The following ADAM18 variants were observed in gnomAD, a reference collection of about 807,000 sequenced individuals.
The protein encoded by ADAM18 is disintegrin and metalloproteinase domain-containing protein 18.
ADAM18 carries 117 observed loss-of-function variants against 94.4 expected under a neutral mutation model. The observed-to-expected ratio is 1.24, with a 90% CI of 1.07 to 1.45. The LOEUF is 1.45. ADAM18 is among the 40% of genes most tolerant of loss of function. The probability of loss-of-function intolerance (pLI) is 0.00; values close to 1 mark genes in which losing one functional copy is unlikely to be tolerated. For missense variants in ADAM18, 936 were observed against 880.0 expected, an observed-to-expected ratio of 1.06 and a Z score of -0.81; for synonymous variants, 327 against 291.6, an observed-to-expected ratio of 1.12 and a Z score of -1.24.
intron 18 of ADAM18, among the ~76,000 whole-genome samples, chr8:39,723,035 A>G (rs1411092275): frequency 6.6e-6 from 1 of 151,590 alleles, no homozygotes; most frequent in African/African-American, 2.4e-5. Context: ...GTGCTTTGGA[A>G]TTATAACAGG....
At chr8:39,672,719 A>T (rs774132674) in intron 14 of ADAM18, among the ~76,000 whole-genome samples, 3 of 152,208 alleles carry the variant, frequency 2.0e-5, no homozygotes, top group Non-Finnish European at 4.4e-5. Flanking sequence ...TGTTCCTCTC[A>T]TATGTTCCCA....
chr8:39,656,588 T>C (rs907863676), intron 12 of ADAM18, among the ~76,000 whole-genome samples: 2 of 152,154 alleles, frequency 1.3e-5, no homozygotes, highest in Non-Finnish European at 1.5e-5. Flanking sequence ...TTACCTAATA[T>C]TTACAAATTA....
intron 19 of ADAM18, among the ~76,000 whole-genome samples, chr8:39,729,450 C>T (rs558706673): frequency 6.6e-6 from 1 of 152,018 alleles, no homozygotes; most frequent in Non-Finnish European, 1.5e-5. Context: ...CTATTGTTTT[C>T]ATGTGTGAAC....
At chr8:39,650,416 T>A (rs1820499498) in intron 12 of ADAM18, among the ~76,000 whole-genome samples, 1 of 152,054 alleles carries the variant, frequency 6.6e-6, no homozygotes, top group Non-Finnish European at 1.5e-5. Context: ...CAACAAAAAT[T>A]TACAACTAAT....
chr8:39,624,729 C>G (rs1250994731), intron 6 of ADAM18, among the ~76,000 whole-genome samples: 1 of 152,156 alleles, frequency 6.6e-6, no homozygotes. Context: ...GGCTTAACAC[C>G]ATCCTCCTAG....
intron 2 of ADAM18, among the ~76,000 whole-genome samples, chr8:39,593,925 A>G (rs576309995): frequency 6.6e-6 from 1 of 152,324 alleles, no homozygotes; most frequent in East Asian, 1.9e-4. Context: ...ATTATTTTTA[A>G]CAGAATATAG....
chr8:39,668,168 T>C lies in ADAM18; in HGVS notation c.1497T>C (p.Asp499=), dbSNP rs778034620. ...YCYNGQCQTT[D]NQCAKIFGKG... ...ATAACGGACAATGTCAAACTACTGA[T>C]AACCAGTGTGCCAAGATATTTGGAA... Residue 499 remains aspartate, a synonymous_variant, in exon 14 of 20, where the codon GAT becomes GAC. Transcript: ENST00000265707. The C allele has an allele frequency of 6.2e-7, 1 of 1,614,124 alleles. No homozygotes were observed. Among genetic ancestry groups the C allele is most frequent in the Non-Finnish European group, 8.5e-7 (1 of 1,179,992 alleles).
At chr8:39,676,670 C>T (rs1401653546) in intron 14 of ADAM18, among the ~76,000 whole-genome samples, 1 of 152,212 alleles carries the variant, frequency 6.6e-6, no homozygotes, top group Non-Finnish European at 1.5e-5. Context: ...CAACCAGTCC[C>T]AGTGAGATGA....
chr8:39,642,303 C>T (rs1203431660), intron 10 of ADAM18, among the ~76,000 whole-genome samples: 1 of 151,998 alleles, frequency 6.6e-6, no homozygotes, highest in African/African-American at 2.4e-5. Flanking sequence ...GTTGCAATTG[C>T]TGTGGCATCT....
rs1408571955 is a variant in ADAM18, at chr8:39,692,699, T to G, written c.1902+19T>G. The stretch of plus-strand genomic sequence containing the variant: ...GAAAGGGGTAAGTCACTTTTGTATC[T>G]GAATTGCATGTTATTCTTGTGGGTA... On this transcript the variant is annotated intron_variant, in intron 17 of 19. Coordinates refer to ENST00000265707, the MANE Select transcript of ADAM18 (RefSeq NM_014237.3). 1 of 1,553,008 alleles carries G rather than the reference T, an allele frequency of 6.4e-7. No individual in the cohort carries two copies. The highest frequency in any genetic ancestry group is 8.8e-7 in the Non-Finnish European group (1 of 1,130,970).
rs71294798 is a variant in ADAM18 at position 39,715,474 on chromosome 8, G to GAA, written c.2018-8265_2018-8264dup. On this transcript the variant is annotated intron_variant, in intron 18 of 19. Transcript: ENST00000265707. ...CAGTACAGTAAAAATTGATAAAATA[G>GAA]AAAAAAAAAAGCAAATCAATAAAGG... Among the ~76,000 whole-genome samples, 38 of 143,986 alleles carry GAA rather than the reference G, an allele frequency of 2.6e-4. No individual in the cohort carries two copies. In the East Asian group the frequency reaches 4.0e-3, roughly 15 times the overall value. 94.5% of individuals were successfully genotyped at this position (143,986 alleles called of 152,430 possible). A position where few individuals can be genotyped will look rare whatever the true frequency, so the allele number is the denominator to read the frequency against.
intron 18 of ADAM18, among the ~76,000 whole-genome samples, chr8:39,710,081 A>G (rs1048892862): frequency 1.1e-4 from 16 of 152,342 alleles, no homozygotes; most frequent in African/African-American, 3.6e-4. Context: ...AAAGTAACTC[A>G]TGGGATGATA....
intron 6 of ADAM18, among the ~76,000 whole-genome samples, chr8:39,620,694 C>G (rs985577643): frequency 6.8e-6 from 1 of 147,506 alleles, no homozygotes; most frequent in African/African-American, 2.5e-5. Flanking sequence ...AAATGAAATC[C>G]TATCAGCAGC....
chr8:39,662,296 CA>C (rs1820862531), intron 12 of ADAM18, among the ~76,000 whole-genome samples: 1 of 152,098 alleles, frequency 6.6e-6, no homozygotes, highest in African/African-American at 2.4e-5. Flanking sequence ...GAAGGTTAAA[CA>C]GTAAATTATA....
At chr8:39,623,049 CTCCAATT>C (rs1819658751) in intron 6 of ADAM18, among the ~76,000 whole-genome samples, 1 of 152,132 alleles carries the variant, frequency 6.6e-6, no homozygotes, top group Non-Finnish European at 1.5e-5. Context: ...ATTTCTGAAT[CTCCAATT>C]TCCATGATAC....
chr8:39,630,027 T>G (rs898336222), intron 7 of ADAM18, among the ~76,000 whole-genome samples: 3 of 151,998 alleles, frequency 2.0e-5, no homozygotes, highest in African/African-American at 7.2e-5. Flanking sequence ...TAAAGCATAT[T>G]CACTTGATAT....
rs747999507 is a variant in ADAM18, at chr8:39,610,664, T to G, written c.480T>G (p.Ile160Met). The change falls in exon 6 of 20, where the codon ATT becomes ATG. Residue 160 changes from isoleucine (I) to methionine (M), a missense_variant. Ile to Met is a conservative substitution (Grantham distance 10, BLOSUM62 1). Transcript: ENST00000265707. ...VSILAVNYSHIWQKDQPYKVP... is the reference protein window; with the variant it reads ...VSILAVNYSHMWQKDQPYKVP... ...TTTTAGCAGTAAATTACAGTCATAT[T>G]TGGCAGAAAGACCAGCCCTACAAAG... 1.2e-6 allele frequency: 2 copies of G among 1,613,426 alleles called. No homozygotes were observed. The highest frequency in any genetic ancestry group is 2.2e-5 in the South Asian group (2 of 91,012).
At chr8:39,642,682 G>A (rs1820268633) in intron 10 of ADAM18, among the ~76,000 whole-genome samples, 1 of 151,916 alleles carries the variant, frequency 6.6e-6, no homozygotes, top group Non-Finnish European at 1.5e-5. Flanking sequence ...TTGAAGTCAG[G>A]TAGCAACCAT....
At chr8:39,644,163 G>C (rs7820462) in intron 10 of ADAM18, among the ~76,000 whole-genome samples, 2,613 of 151,856 alleles carry the variant, frequency 0.017, 59 homozygotes, top group African/African-American at 0.06. Context: ...TCAGATTTTT[G>C]TTTGTAATGA....
Sources: allele counts gnomAD v4.1 joint callset (sites outside exome capture counted in the v4.1 genomes callset), GRCh38; gene constraint gnomAD v4.1.1; transcripts MANE v1.5; gene names NCBI Gene and HGNC (gene_info 2026-07-23, HGNC 2026-07-21).